The following LONRF2 variants were observed in gnomAD, a reference collection of about 807,000 sequenced individuals.
LONRF2 encodes LON peptidase N-terminal domain and RING finger protein 2.
A neutral mutation model predicts 66.6 loss-of-function variants in LONRF2; 35 were observed. The observed-to-expected ratio is 0.53, with a 90% confidence interval of 0.40 to 0.70. The LOEUF (loss-of-function observed/expected upper bound fraction) is 0.70, where lower values mean the gene tolerates loss of function less well. Ranked by LOEUF, LONRF2 falls within the 30% of genes least tolerant of loss-of-function variation. The pLI, the probability that LONRF2 is intolerant of heterozygous loss-of-function variation, is 0.00. For synonymous variants in LONRF2, 417 were observed against 418.1 expected (o/e 1.00, Z 0.03); for missense variants, 902 against 1,002.1 (o/e 0.90, Z 1.35).
chr2:100,308,880 C>T (rs1675349371), intron 2 of LONRF2, among the ~76,000 whole-genome samples: 2 of 152,014 alleles, frequency 1.3e-5, no homozygotes, highest in Admixed American at 6.6e-5. Context: ...AGCTAAATAT[C>T]TATTAAGTGT....
chr2:100,297,131 T>C (rs993051688), intron 7 of LONRF2, among the ~76,000 whole-genome samples: 1 of 151,322 alleles, frequency 6.6e-6, no homozygotes, highest in Non-Finnish European at 1.5e-5. Context: ...TTCTATTCTT[T>C]TTTTTTTTTC....
chr2:100,292,868 T>C (rs1674990148), intron 9 of LONRF2, among the ~76,000 whole-genome samples: 1 of 152,166 alleles, frequency 6.6e-6, no homozygotes, highest in Non-Finnish European at 1.5e-5. Flanking sequence ...GGTAAAGCTT[T>C]TTCCCCCCCT....
chr2:100,291,673 C>T (rs1674962129), intron 9 of LONRF2, among the ~76,000 whole-genome samples: 1 of 152,068 alleles, frequency 6.6e-6, no homozygotes, highest in South Asian at 2.1e-4. Flanking sequence ...CAGACTGTTG[C>T]TGAGCTAATG....
intron 7 of LONRF2, among the ~76,000 whole-genome samples, chr2:100,297,419 G>A (rs76104324): frequency 2.0e-5 from 3 of 152,282 alleles, no homozygotes; most frequent in East Asian, 3.9e-4. Context: ...TTACAGGCGT[G>A]AGCCACTGCA....
chr2:100,294,218 A>T lies in LONRF2; in HGVS notation c.1757+11T>A, dbSNP rs1675018531. 1 of 1,603,166 alleles carries T rather than the reference A, an allele frequency of 6.2e-7. No homozygotes were observed. The highest frequency in any genetic ancestry group is 1.7e-5 in the Admixed American group (1 of 57,370). ...TTAGGACCCTTTGAACCAAATGCTA[A>T]CAGTTCTTACCCCGCGTGCTCAGCA... On this transcript the variant is annotated intron_variant, in intron 9 of 11. Transcript: ENST00000393437.
At chr2:100,304,144 T>C (rs555460825) in intron 2 of LONRF2, among the ~76,000 whole-genome samples, 1 of 135,918 alleles carries the variant, frequency 7.4e-6, no homozygotes, top group East Asian at 2.5e-4. Context: ...TTTTTATCTC[T>C]AGAATTTCCT....
intron 8 of LONRF2, 84 bp downstream of exon 8, chr2:100,295,348 A>G: frequency 3.6e-6 from 5 of 1,393,864 alleles, no homozygotes; most frequent in South Asian, 1.4e-5. Flanking sequence ...GTTCTCTGCC[A>G]TGAAAAGAAA....
rs896516077 is a variant in LONRF2 at position 100,322,054 on chromosome 2, A to G, written c.40T>C (p.Cys14Arg). 7.6e-6 allele frequency: 10 copies of G among 1,317,698 alleles called. No individual in the cohort carries two copies. The highest frequency in any genetic ancestry group is 1.5e-5 in the African/African-American group (1 of 64,710). The allele number at this position is 1,317,698 out of a possible 1,614,324, so 81.6% of individuals were successfully genotyped here. The change falls in exon 1 of 12, where the codon TGT becomes CGT. Residue 14 changes from cysteine to arginine, a missense_variant. Physicochemically the swap from Cys to Arg is radical, Grantham distance 180. Coordinates refer to ENST00000393437, the MANE Select transcript of LONRF2 (RefSeq NM_198461.4). ...GGCTCCGCGCGGTCGCAGCCAGGAC[A>G]CTGGGGCGGCGGCGGCGGCGGGACC... The part of the protein sequence containing the change: ...EPVPPPPPPQ[C>R]PGCDRAEPIA...
In LONRF2 at chr2:100,276,788, A is replaced by G. The variant is rs999224017; in HGVS notation, c.*7510T>C. 13 of 152,210 alleles carry G rather than the reference A, an allele frequency of 8.5e-5. No individual in the cohort carries two copies. Among genetic ancestry groups the G allele is most frequent in the African/African-American group, 2.9e-4 (12 of 41,438 alleles). 9.4% of individuals were successfully genotyped at this position (152,210 alleles called of 1,614,324 possible). ...TTTTGCTCTTACAGATTTGGCTAACATGTCCCATTAAGTGTCTACTTGCAC... is the reference window on the plus strand; with the variant it reads ...TTTTGCTCTTACAGATTTGGCTAACGTGTCCCATTAAGTGTCTACTTGCAC... On this transcript the variant is annotated 3_prime_UTR_variant, in exon 12 of 12. Coordinates refer to ENST00000393437, the MANE Select transcript of LONRF2 (RefSeq NM_198461.4).
rs1377426746 is a variant in LONRF2 at position 100,275,979 on chromosome 2, A to G, written c.*8319T>C. ...AGATAGGCTATTTTAACGCAAATAT[A>G]TAATAAATTGTACATGTATATGTAC... On this transcript the variant is annotated 3_prime_UTR_variant, in exon 12 of 12. Coordinates refer to ENST00000393437, the MANE Select transcript of LONRF2 (RefSeq NM_198461.4). The G allele has an allele frequency of 1.3e-5, 2 of 152,224 alleles. No homozygotes were observed. Among genetic ancestry groups the G allele is most frequent in the Admixed American group, 6.5e-5 (1 of 15,290 alleles). 9.4% of individuals were successfully genotyped at this position (152,224 alleles called of 1,614,324 possible).
intron 9 of LONRF2, among the ~76,000 whole-genome samples, chr2:100,291,027 G>A (rs750361207): frequency 2.6e-5 from 4 of 151,450 alleles, no homozygotes; most frequent in Admixed American, 6.6e-5. Flanking sequence ...TGTGAAAAAC[G>A]ACAAGGAAAA....
chr2:100,286,964 G>A lies in LONRF2; in HGVS notation c.2020C>T (p.Gln674Ter), dbSNP rs1477275587. Reference sequence around the variant, plus strand: ...ATTACCCCAAAATGACTTAAAATTTGTTCTTTCATGCGATCCTGGAGAGAC... The same window carrying A: ...ATTACCCCAAAATGACTTAAAATTTATTCTTTCATGCGATCCTGGAGAGAC... ...FASLQDRMKE[Q>*]ILSHFGVMPD... Residue 674 changes from glutamine (Q) to a stop codon, truncating the protein, a stop_gained, in exon 11 of 12, where the codon CAA becomes TAA. Coordinates refer to ENST00000393437, the MANE Select transcript of LONRF2 (RefSeq NM_198461.4). LOFTEE classifies it low-confidence loss of function (END_TRUNC). The A allele has an allele frequency of 6.2e-7, 1 of 1,614,124 alleles. No homozygotes were observed. Among genetic ancestry groups the A allele is most frequent in the Non-Finnish European group, 8.5e-7 (1 of 1,180,000 alleles).
Position 100,272,642 on chromosome 2 carries a change from T to C in LONRF2, c.*11656A>G, listed in dbSNP as rs910271595. ...CTTTTCAGTATTTTGTAGAGTGTTA[T>C]GCTGTTTTAAATATTGTAATTTATG... is the stretch of plus-strand genomic sequence containing the variant. On this transcript the variant is annotated 3_prime_UTR_variant, in exon 12 of 12. Transcript: ENST00000393437. Among the ~76,000 whole-genome samples the C allele has an allele frequency of 2.0e-5, 3 of 152,228 alleles. No individual in the cohort carries two copies. The highest frequency in any genetic ancestry group is 4.4e-5 in the Non-Finnish European group (3 of 68,036).
intron 8 of LONRF2, among the ~76,000 whole-genome samples, chr2:100,294,693 A>G (rs1448349819): frequency 6.6e-6 from 1 of 152,226 alleles, no homozygotes; most frequent in Admixed American, 6.5e-5. Flanking sequence ...CAAAAACTAC[A>G]TAGTAGTCAA....
In LONRF2 at chr2:100,295,548, C is replaced by T. The variant is rs144495917; in HGVS notation, c.1482G>A (p.Leu494=). 2.5e-6 allele frequency: 4 copies of T among 1,611,902 alleles called. No homozygotes were observed. The South Asian group carries it at 4.4e-5, about 18-fold the overall frequency. ...CAGTTATGTTAAAGTTTCTGCTTGC[C>T]AATAACTGTAACAAAAAAAAGTCAA... is the stretch of plus-strand genomic sequence containing the variant. The part of the protein sequence containing the change: ...PLCKDKLSEL[L]ASRNFNITVL... The change falls in exon 8 of 12, where the codon TTG becomes TTA. Residue 494 remains leucine (L), a synonymous_variant. Transcript: ENST00000393437.
chr2:100,311,366 A>AG (rs1553541708), intron 1 of LONRF2, among the ~76,000 whole-genome samples: 1 of 151,384 alleles, frequency 6.6e-6, no homozygotes, highest in Non-Finnish European at 1.5e-5. Context: ...GGAAAAAAAA[A>AG]TTTTGGAAAA....
chr2:100,283,361 T>TTTTTGTATA lies in LONRF2; in HGVS notation c.*928_*936dup, dbSNP rs1674778695. 6.6e-6 allele frequency: 1 copy of TTTTTGTATA among 152,186 alleles called. No homozygotes were observed. The highest frequency in any genetic ancestry group is 1.5e-5 in the Non-Finnish European group (1 of 68,026). The allele number at this position is 152,186 out of a possible 1,614,324, so 9.4% of individuals were successfully genotyped here. On this transcript the variant is annotated 3_prime_UTR_variant, in exon 12 of 12. Transcript: ENST00000393437. ...CCATGGCATGGCAGATTTTTTAATG[T>TTTTTGTATA]TTTTGTATATTAATAAATGGATAGT...
At position 100,282,634 on chromosome 2, in the gene LONRF2, T is replaced by C. The variant is rs540409230; in HGVS notation, c.*1664A>G. ...ATTGTTAATGCATAAATTAATAAAA[T>C]CTCTTAGAAATCACTTGGCCAAACT... On this transcript the variant is annotated 3_prime_UTR_variant, in exon 12 of 12. Transcript: ENST00000393437. 2.6e-5 allele frequency: 4 copies of C among 152,272 alleles called. No individual in the cohort carries two copies. The South Asian group carries it at 8.3e-4, about 32-fold the overall frequency. 9.4% of individuals were successfully genotyped at this position (152,272 alleles called of 1,614,324 possible). A position where few individuals can be genotyped will look rare whatever the true frequency, so the allele number is the denominator to read the frequency against.
rs894272562 is a variant in LONRF2 at position 100,287,313 on chromosome 2, T to A, written c.1921-250A>T. ...ACATTTCCTGTAATTTTGAATAATG[T>A]TCAATGGCTGCATGCAATTATATAT... On this transcript the variant is annotated intron_variant, in intron 10 of 11. Transcript: ENST00000393437. 2.6e-5 allele frequency among the ~76,000 whole-genome samples: 4 copies of A among 152,236 alleles called. No homozygotes were observed. The South Asian group carries it at 8.3e-4, about 31-fold the overall frequency.
Sources: gnomAD v4.1 joint callset for allele counts (sites outside exome capture counted in the v4.1 genomes callset) on GRCh38, gnomAD v4.1.1 for gene constraint, MANE v1.5 for transcripts, NCBI Gene and HGNC (gene_info 2026-07-23, HGNC 2026-07-21) for gene names.